DACH2: variants seen among roughly 807,000 people sequenced by gnomAD.
DACH2 encodes dachshund family transcription factor 2.
Under a neutral mutation model 35.8 loss-of-function variants are expected in DACH2, and 17 were observed. The ratio of observed to expected loss-of-function variants is 0.48; its 90% CI spans 0.33 to 0.71. DACH2 has a LOEUF of 0.71. Among genes scored for constraint, DACH2 ranks in the 30% least tolerant of loss-of-function variants. DACH2 has a pLI of 0.02. For missense variants in DACH2, 469 were observed against 472.7 expected (o/e 0.99, Z 0.07); for synonymous variants, 195 against 177.3 (o/e 1.10, Z -0.79).
chrX:86,268,495 T>G, intron 1 of DACH2, among the ~76,000 whole-genome samples: 1 of 19,538 alleles, frequency 5.1e-5, no homozygotes, highest in South Asian at 1.6e-3. Flanking sequence ...AAAACATTTA[T>G]TTTATTTTAT....
At chrX:86,743,864 T>G (rs2041683352) in intron 7 of DACH2, among the ~76,000 whole-genome samples, 1 of 111,370 alleles carries the variant, frequency 9.0e-6, no homozygotes, top group African/African-American at 3.3e-5. Flanking sequence ...AGTCTAGTTA[T>G]AGTTGAAACT....
chrX:86,812,849 T>C lies in DACH2; in HGVS notation c.1241-7T>C, dbSNP rs1245384719. 3 of 1,179,717 alleles carry C rather than the reference T, an allele frequency of 2.5e-6. No individual in the cohort carries two copies. The highest frequency in any genetic ancestry group is 3.4e-6 in the Non-Finnish European group (3 of 880,988). On this transcript the variant is annotated splice_region_variant and splice_polypyrimidine_tract_variant and intron_variant, in intron 7 of 11. Coordinates refer to ENST00000373125, the MANE Select transcript of DACH2 (RefSeq NM_053281.3). ...TGAACCTTCTGATACTAATTTTGTT[T>C]TTGCAGAAGAGGTACCAGTTCAAAT...
chrX:86,767,511 T>C, intron 7 of DACH2, among the ~76,000 whole-genome samples: 1 of 111,805 alleles, frequency 8.9e-6, no homozygotes, highest in Non-Finnish European at 1.9e-5. Context: ...TTAATTAGTG[T>C]GTATGCTTTT....
intron 4 of DACH2, among the ~76,000 whole-genome samples, chrX:86,673,502 TG>T (rs1460218800): frequency 9.0e-6 from 1 of 111,120 alleles, no homozygotes; most frequent in Non-Finnish European, 1.9e-5. Flanking sequence ...GTACCCCCAT[TG>T]TATCTTGAGA....
chrX:86,631,594 TA>T (rs1738396098), intron 3 of DACH2, among the ~76,000 whole-genome samples: 1 of 112,179 alleles, frequency 8.9e-6, no homozygotes, highest in South Asian at 3.6e-4. Context: ...TTAATTGTGT[TA>T]TTTTTAAAAT....
chrX:86,224,040 AT>A (rs1249869140), intron 1 of DACH2, among the ~76,000 whole-genome samples: 2 of 111,496 alleles, frequency 1.8e-5, no homozygotes, highest in Admixed American at 9.5e-5. Context: ...TCTCTTCTCC[AT>A]TTTTTGAATG....
intron 1 of DACH2, among the ~76,000 whole-genome samples, chrX:86,237,521 C>T (rs752479500): frequency 1.8e-5 from 2 of 111,086 alleles, no homozygotes; most frequent in East Asian, 5.7e-4. Flanking sequence ...CTGGGGTGTG[C>T]TTTGTCATCC....
At chrX:86,798,824 C>A in intron 7 of DACH2, 1 of 134,160 alleles carries the variant, frequency 7.5e-6, no homozygotes, top group Non-Finnish European at 1.5e-5. Context: ...CCAAAAAAGG[C>A]TTCAAAATCA....
intron 7 of DACH2, among the ~76,000 whole-genome samples, chrX:86,773,387 C>T (rs2042004004): frequency 9.0e-6 from 1 of 111,510 alleles, no homozygotes; most frequent in African/African-American, 3.3e-5. Flanking sequence ...AATTAAATTG[C>T]TCCTTAAGGA....
chrX:86,173,047 T>G (rs1210886549), intron 1 of DACH2, among the ~76,000 whole-genome samples: 1 of 112,346 alleles, frequency 8.9e-6, no homozygotes, highest in East Asian at 2.8e-4. Flanking sequence ...TAGGAAAATA[T>G]GAATTGTCCC....
At chrX:86,526,609 G>C (rs1205819539) in intron 3 of DACH2, among the ~76,000 whole-genome samples, 1 of 111,024 alleles carries the variant, frequency 9.0e-6, no homozygotes, top group African/African-American at 3.3e-5. Context: ...TCAAGGTAGA[G>C]AATGCCCAAA....
chrX:86,534,782 G>C (rs2148292311), intron 3 of DACH2, among the ~76,000 whole-genome samples: 1 of 111,590 alleles, frequency 9.0e-6, no homozygotes, highest in Non-Finnish European at 1.9e-5. Flanking sequence ...CTTTAGGATT[G>C]TATACTCTCT....
chrX:86,449,795 T>A (rs1157462181), intron 2 of DACH2, among the ~76,000 whole-genome samples: 2 of 111,646 alleles, frequency 1.8e-5, no homozygotes, highest in African/African-American at 6.5e-5. Flanking sequence ...CTCCCCCAGC[T>A]TGAATCTTTG....
intron 2 of DACH2, among the ~76,000 whole-genome samples, chrX:86,386,107 A>C (rs143894813): frequency 0.038 from 4,274 of 111,310 alleles, 105 homozygotes; most frequent in East Asian, 0.21. Context: ...AAAATGTAGG[A>C]CATCACACTT....
At chrX:86,234,431 T>C (rs989187814) in intron 1 of DACH2, among the ~76,000 whole-genome samples, 1 of 111,076 alleles carries the variant, frequency 9.0e-6, no homozygotes, top group Non-Finnish European at 1.9e-5. Flanking sequence ...ATTACACTGG[T>C]CACCCCCAAC....
intron 1 of DACH2, among the ~76,000 whole-genome samples, chrX:86,346,442 T>C (rs2148066637): frequency 9.0e-6 from 1 of 110,517 alleles, no homozygotes; most frequent in African/African-American, 3.3e-5. Context: ...AAAATTGATA[T>C]AAGTTAGAGC....
intron 3 of DACH2, among the ~76,000 whole-genome samples, chrX:86,561,899 A>G (rs2039222928): frequency 1.8e-5 from 1 of 54,865 alleles, no homozygotes; most frequent in African/African-American, 4.9e-5. Context: ...TTAAAGTAGA[A>G]TTAAAAAAAA....
intron 3 of DACH2, among the ~76,000 whole-genome samples, chrX:86,572,330 A>T (rs1409858734): frequency 9.0e-6 from 1 of 110,683 alleles, no homozygotes; most frequent in Non-Finnish European, 1.9e-5. Flanking sequence ...GCAAAAAAAA[A>T]TTCAGTGTTC....
At chrX:86,403,026 A>G (rs1044174932) in intron 2 of DACH2, among the ~76,000 whole-genome samples, 4 of 112,232 alleles carry the variant, frequency 3.6e-5, no homozygotes, top group Non-Finnish European at 7.5e-5. Context: ...ATATACAAAA[A>G]TTAACTGAAG....
Sources: gnomAD v4.1 joint callset for allele counts (sites outside exome capture counted in the v4.1 genomes callset) on GRCh38, gnomAD v4.1.1 for gene constraint, MANE v1.5 for transcripts, NCBI Gene and HGNC (gene_info 2026-07-23, HGNC 2026-07-21) for gene names.